SLC71A2: variants seen among roughly 807,000 people sequenced by gnomAD.
SLC71A2 encodes the protein hippocampus abundant transcript-like 1.
the SLC71A2 span, among the ~76,000 whole-genome samples, chr9:94,450,271 A>G: frequency 6.6e-6 from 1 of 152,158 alleles, no homozygotes; most frequent in Admixed American, 6.5e-5. Context: ...GAATCCCTAA[A>G]TCTACATTTT....
At chr9:94,435,177 C>T in the SLC71A2 span, among the ~76,000 whole-genome samples, 4 of 152,182 alleles carry the variant, frequency 2.6e-5, no homozygotes, top group Admixed American at 6.5e-5. Flanking sequence ...TAAACCCCAA[C>T]GCTTGAAAAT....
the SLC71A2 span, among the ~76,000 whole-genome samples, chr9:94,389,326 C>T: frequency 2.1e-5 from 3 of 141,854 alleles, 1 homozygote; most frequent in South Asian, 4.5e-4. Context: ...AGTGCAGTGG[C>T]GGGATCTCAG....
At chr9:94,407,856 C>T in the SLC71A2 span, among the ~76,000 whole-genome samples, 6 of 152,158 alleles carry the variant, frequency 3.9e-5, no homozygotes, top group East Asian at 1.9e-4. Context: ...TTAAGTTACA[C>T]GTCACATTCT....
chr9:94,408,047 A>C, the SLC71A2 span, among the ~76,000 whole-genome samples: 2 of 152,150 alleles, frequency 1.3e-5, no homozygotes, highest in African/African-American at 2.4e-5. Flanking sequence ...AAAGCACAAG[A>C]GGACTGTGCC....
the SLC71A2 span, among the ~76,000 whole-genome samples, chr9:94,413,136 TA>T: frequency 6.6e-6 from 1 of 150,750 alleles, no homozygotes; most frequent in South Asian, 2.1e-4. Flanking sequence ...ATCATGAAAG[TA>T]AAAAAATAAA....
the SLC71A2 span, among the ~76,000 whole-genome samples, chr9:94,396,906 G>A: frequency 6.6e-6 from 1 of 152,138 alleles, no homozygotes; most frequent in Admixed American, 6.6e-5. Context: ...AAGTAGCCAG[G>A]ATTACAGGCA....
At chr9:94,385,686 T>C in the SLC71A2 span, among the ~76,000 whole-genome samples, 1 of 152,222 alleles carries the variant, frequency 6.6e-6, no homozygotes, top group Non-Finnish European at 1.5e-5. Flanking sequence ...TTTCTGGAGT[T>C]TGCATTCTGT....
At chr9:94,407,502 C>T in the SLC71A2 span, among the ~76,000 whole-genome samples, 1 of 151,956 alleles carries the variant, frequency 6.6e-6, no homozygotes, top group South Asian at 2.1e-4. Context: ...CCTCCGTCAC[C>T]TGAGTAGCTG....
the SLC71A2 span, among the ~76,000 whole-genome samples, chr9:94,378,712 A>G: frequency 2.0e-5 from 3 of 152,188 alleles, no homozygotes; most frequent in African/African-American, 7.2e-5. Context: ...ATCAGCCCCC[A>G]TGACCCAAAC....
chr9:94,435,711 A>G, the SLC71A2 span, among the ~76,000 whole-genome samples: 1 of 142,698 alleles, frequency 7.0e-6, no homozygotes, highest in Non-Finnish European at 1.5e-5. Flanking sequence ...CTGGAGTGCA[A>G]TGGCACGATC....
At chr9:94,439,022 GTTTT>G in the SLC71A2 span, among the ~76,000 whole-genome samples, 832 of 115,694 alleles carry the variant, frequency 7.2e-3, 14 homozygotes, top group African/African-American at 0.024. Context: ...ATTTGAGTTC[GTTTT>G]TTTTTTTTTT....
At chr9:94,415,503 G>A in the SLC71A2 span, among the ~76,000 whole-genome samples, 1 of 151,820 alleles carries the variant, frequency 6.6e-6, no homozygotes, top group Non-Finnish European at 1.5e-5. Flanking sequence ...TTATACAAAC[G>A]AACTGTATAT....
At chr9:94,425,634 G>C in the SLC71A2 span, among the ~76,000 whole-genome samples, 2 of 152,072 alleles carry the variant, frequency 1.3e-5, no homozygotes. Context: ...AATATCTCAA[G>C]CAGTGATATT....
the SLC71A2 span, among the ~76,000 whole-genome samples, chr9:94,390,230 T>C: frequency 6.6e-6 from 1 of 150,654 alleles, no homozygotes; most frequent in Non-Finnish European, 1.5e-5. Flanking sequence ...AAATAAAGGT[T>C]CTCGTTTGTG....
At chr9:94,438,884 A>C in the SLC71A2 span, among the ~76,000 whole-genome samples, 1 of 152,186 alleles carries the variant, frequency 6.6e-6, no homozygotes, top group Non-Finnish European at 1.5e-5. Flanking sequence ...TGACTTTGTA[A>C]ATATATTATT....
At chr9:94,454,857 C>T in the SLC71A2 span, among the ~76,000 whole-genome samples, 3 of 152,108 alleles carry the variant, frequency 2.0e-5, no homozygotes, top group Admixed American at 1.3e-4. Flanking sequence ...TTATTACTAC[C>T]ATATTAGATT....
the SLC71A2 span, among the ~76,000 whole-genome samples, chr9:94,425,914 C>G: frequency 6.6e-6 from 1 of 152,046 alleles, no homozygotes; most frequent in Admixed American, 6.6e-5. Context: ...AGATCTTTCA[C>G]TGTCTCAGTC....
At chr9:94,436,696 C>G in the SLC71A2 span, among the ~76,000 whole-genome samples, 5 of 152,074 alleles carry the variant, frequency 3.3e-5, no homozygotes, top group African/African-American at 1.2e-4. Flanking sequence ...TGAGTCCCTC[C>G]TCTTATCAGT....
At chr9:94,408,077 A>G in the SLC71A2 span, among the ~76,000 whole-genome samples, 1 of 152,094 alleles carries the variant, frequency 6.6e-6, no homozygotes, top group Non-Finnish European at 1.5e-5. Flanking sequence ...ATTAAACTCA[A>G]TCATAGGTGT....
Sources: allele counts gnomAD v4.1 joint callset (sites outside exome capture counted in the v4.1 genomes callset), GRCh38; gene constraint gnomAD v4.1.1; transcripts MANE v1.5; gene names NCBI Gene and HGNC (gene_info 2026-07-23, HGNC 2026-07-21).